KLF7: variants seen among roughly 807,000 people sequenced by gnomAD.
KLF7 encodes KLF transcription factor 7.
KLF7 carries 2 observed loss-of-function variants against 27.3 expected under a neutral mutation model. The ratio of observed to expected loss-of-function variants is 0.07; its 90% CI spans 0.03 to 0.23. The LOEUF is 0.23. KLF7 is among the 10% of genes least tolerant of loss of function. The pLI is 1.00. For synonymous variants in KLF7, 165 were observed against 162.4 expected (o/e 1.02, Z -0.12); for missense variants, 221 against 394.1 (o/e 0.56, Z 3.72).
rs2076260353 is a variant in KLF7, at chr2:207,081,096, T to C, written c.*117A>G. 4.9e-6 allele frequency: 4 copies of C among 817,114 alleles called. No individual in the cohort carries two copies. The Admixed American group carries it at 5.3e-5, about 11-fold the overall frequency. The allele number at this position is 817,114 out of a possible 1,614,324, so 50.6% of individuals were successfully genotyped here. A position where few individuals can be genotyped will look rare whatever the true frequency, so the allele number is the denominator to read the frequency against. Reference sequence around the variant, plus strand: ...GTGTGTGTGTGTGTACAGAGGTTTATAAGTGAGAACTTTCTTCTGCGAGGC... The same window carrying C: ...GTGTGTGTGTGTGTACAGAGGTTTACAAGTGAGAACTTTCTTCTGCGAGGC... On this transcript the variant is annotated 3_prime_UTR_variant, in exon 4 of 4. Coordinates refer to ENST00000309446, the MANE Select transcript of KLF7 (RefSeq NM_003709.4).
At chr2:207,088,312 G>T in intron 3 of KLF7, 146 bp downstream of exon 3, 1 of 900,908 alleles carries the variant, frequency 1.1e-6, no homozygotes, top group African/African-American at 1.6e-5. Flanking sequence ...TCTTCTCACT[G>T]GTCCTCTCCA....
chr2:207,171,251 C>T (rs1302470462), upstream of KLF7, among the ~76,000 whole-genome samples: 1 of 151,862 alleles, frequency 6.6e-6, no homozygotes, highest in South Asian at 2.1e-4. Flanking sequence ...AAAAATGCTG[C>T]AATCTCATGA....
rs1388805388 is a variant in KLF7 at position 207,165,578 on chromosome 2, GC to G, written c.-11del. 1 of 1,613,142 alleles carries G rather than the reference GC, an allele frequency of 6.2e-7. No individual in the cohort carries two copies. Among genetic ancestry groups the G allele is most frequent in the African/African-American group, 1.3e-5 (1 of 74,886 alleles). ...TAGCCAACACGTCCATGCTGCTGCT[GC>G]CGGGCAAAACGGGAGGCGAAACCCT... On this transcript the variant is annotated 5_prime_UTR_variant, in exon 1 of 4. Transcript: ENST00000309446.
At chr2:207,103,864 G>A (rs555498454) in intron 2 of KLF7, among the ~76,000 whole-genome samples, 28 of 152,338 alleles carry the variant, frequency 1.8e-4, no homozygotes, top group Non-Finnish European at 2.4e-4. Context: ...CACAGGCAGC[G>A]TAATTATTAA....
chr2:207,103,970 A>G (rs1179154829), intron 2 of KLF7, among the ~76,000 whole-genome samples: 1 of 152,210 alleles, frequency 6.6e-6, no homozygotes, highest in Non-Finnish European at 1.5e-5. Flanking sequence ...GCCTGCAATC[A>G]CCTGATTCTA....
chr2:207,130,790 A>C (rs2077610448), intron 1 of KLF7, among the ~76,000 whole-genome samples: 1 of 152,252 alleles, frequency 6.6e-6, no homozygotes, highest in African/African-American at 2.4e-5. Context: ...CCCAATAACT[A>C]TGCCACTTTG....
intron 1 of KLF7, among the ~76,000 whole-genome samples, chr2:207,151,730 A>ACC: frequency 8.3e-6 from 1 of 120,302 alleles, no homozygotes; most frequent in East Asian, 1.9e-4. Context: ...TTTTACACAC[A>ACC]CACACACACA....
intron 1 of KLF7, chr2:207,148,902 C>T (rs1430696811): frequency 2.3e-5 from 13 of 572,942 alleles, no homozygotes; most frequent in Non-Finnish European, 3.0e-5. Context: ...CAGGGATCTC[C>T]TATCACCCCT....
At chr2:207,128,781 C>T (rs2077547044) in intron 1 of KLF7, among the ~76,000 whole-genome samples, 1 of 152,136 alleles carries the variant, frequency 6.6e-6, no homozygotes, top group African/African-American at 2.4e-5. Context: ...GACTATTCTA[C>T]AAAGCAAATA....
chr2:207,097,304 G>A (rs1426406360), intron 2 of KLF7, among the ~76,000 whole-genome samples: 1 of 151,754 alleles, frequency 6.6e-6, no homozygotes, highest in Non-Finnish European at 1.5e-5. Context: ...ATGAAGATTC[G>A]ATGGAACCTA....
intron 1 of KLF7, among the ~76,000 whole-genome samples, chr2:207,131,019 G>T (rs549763157): frequency 6.6e-6 from 1 of 152,072 alleles, no homozygotes; most frequent in East Asian, 1.9e-4. Context: ...CACCTATCTC[G>T]CCTAAAAGGG....
At chr2:207,109,842 C>G (rs2076979779) in intron 2 of KLF7, 1 of 154,688 alleles carries the variant, frequency 6.5e-6, no homozygotes, top group Non-Finnish European at 1.5e-5. Flanking sequence ...CAACTGTGAT[C>G]CAAAACATGG....
chr2:207,172,204 T>C (rs1295103887), upstream of KLF7, among the ~76,000 whole-genome samples: 2 of 152,188 alleles, frequency 1.3e-5, no homozygotes, highest in Non-Finnish European at 2.9e-5. Flanking sequence ...GGTCACTCTC[T>C]GACCTCCTCC....
At chr2:207,164,444 G>A (rs1402751394) in intron 1 of KLF7, among the ~76,000 whole-genome samples, 1 of 150,734 alleles carries the variant, frequency 6.6e-6, no homozygotes, top group Admixed American at 6.6e-5. Flanking sequence ...TTAAATACCC[G>A]TGTCCCCCCG....
At chr2:207,166,919 G>C (rs2078730790), upstream of KLF7, 1 of 1,012,870 alleles carries the variant, frequency 9.9e-7, no homozygotes, top group Non-Finnish European at 1.2e-6. Flanking sequence ...CTTGCGCACA[G>C]TCCCCGCCCC....
chr2:207,075,802 G>A lies in KLF7; in HGVS notation c.*5411C>T, dbSNP rs2076166378. On this transcript the variant is annotated 3_prime_UTR_variant, in exon 4 of 4. Transcript: ENST00000309446. ...TATTTTTCCTCCCTGGAATGAAGCAGAAGTGAAAGATAAGGAAATTAAACT... is the reference window on the plus strand; with the variant it reads ...TATTTTTCCTCCCTGGAATGAAGCAAAAGTGAAAGATAAGGAAATTAAACT... The A allele has an allele frequency of 6.6e-6, 1 of 152,152 alleles. No homozygotes were observed. The highest frequency in any genetic ancestry group is 1.5e-5 in the Non-Finnish European group (1 of 68,026). 9.4% of individuals were successfully genotyped at this position (152,152 alleles called of 1,614,324 possible).
intron 1 of KLF7, among the ~76,000 whole-genome samples, chr2:207,162,337 C>T (rs1029624302): frequency 3.9e-5 from 6 of 152,152 alleles, no homozygotes; most frequent in Non-Finnish European, 5.9e-5. Flanking sequence ...GTTTTCAAAG[C>T]GCTTAAGGCT....
At chr2:207,123,412 C>T (rs1402180386) in intron 2 of KLF7, among the ~76,000 whole-genome samples, 1 of 152,140 alleles carries the variant, frequency 6.6e-6, no homozygotes, top group Non-Finnish European at 1.5e-5. Flanking sequence ...TCCTCAGCTC[C>T]CAGTGTTGAT....
chr2:207,128,463 T>C (rs1317801437), intron 1 of KLF7, among the ~76,000 whole-genome samples: 1 of 152,188 alleles, frequency 6.6e-6, no homozygotes, highest in Non-Finnish European at 1.5e-5. Flanking sequence ...GAATTACCAA[T>C]GGATGCTAAA....
Sources: allele counts gnomAD v4.1 joint callset (sites outside exome capture counted in the v4.1 genomes callset), GRCh38; gene constraint gnomAD v4.1.1; transcripts MANE v1.5; gene names NCBI Gene and HGNC (gene_info 2026-07-23, HGNC 2026-07-21).